The following EDA variants were observed in gnomAD, a reference collection of about 807,000 sequenced individuals.
The protein encoded by EDA is ectodysplasin-A.
In EDA, 2 loss-of-function variants were observed where a neutral mutation model predicts 23.6. The ratio of observed to expected loss-of-function variants is 0.08; its 90% CI spans 0.03 to 0.27. The LOEUF (loss-of-function observed/expected upper bound fraction) is 0.27. Among genes scored for constraint, EDA ranks in the 10% least tolerant of loss-of-function variants. The pLI is 1.00. For missense variants in EDA, 229 were observed against 324.2 expected (o/e 0.71, Z 2.26); for synonymous variants, 131 against 132.0 (o/e 0.99, Z 0.05).
chrX:69,922,310 G>A (rs187841470), intron 1 of EDA, among the ~76,000 whole-genome samples: 30 of 111,802 alleles, frequency 2.7e-4, no homozygotes, highest in African/African-American at 9.1e-4. Context: ...AAATCAGTTG[G>A]GTAAATACAA....
chrX:69,760,197 C>CAAAAAA (rs1162014486), intron 1 of EDA, among the ~76,000 whole-genome samples: 22 of 46,429 alleles, frequency 4.7e-4, no homozygotes, highest in South Asian at 2.5e-3. Flanking sequence ...CTCTTTTGTA[C>CAAAAAA]AAAAAAAAAA....
intron 2 of EDA, among the ~76,000 whole-genome samples, chrX:70,001,742 C>T (rs1321566262): frequency 8.9e-6 from 1 of 112,340 alleles, no homozygotes; most frequent in African/African-American, 3.2e-5. Flanking sequence ...TTTGCATTTC[C>T]TTAGCACTTC....
intron 6 of EDA, among the ~76,000 whole-genome samples, chrX:70,031,631 G>A (rs2020201621): frequency 8.9e-6 from 1 of 111,912 alleles, no homozygotes; most frequent in African/African-American, 3.3e-5. Context: ...AACTGGCTGT[G>A]CTGAGTTTCC....
intron 2 of EDA, among the ~76,000 whole-genome samples, chrX:70,019,878 G>C (rs1338418548): frequency 1.8e-5 from 2 of 111,533 alleles, no homozygotes; most frequent in Non-Finnish European, 3.8e-5. Flanking sequence ...ACCTGCACAT[G>C]TACCCCAGAA....
At chrX:69,727,575 C>G (rs1357584213) in intron 1 of EDA, among the ~76,000 whole-genome samples, 1 of 112,202 alleles carries the variant, frequency 8.9e-6, no homozygotes, top group African/African-American at 3.2e-5. Flanking sequence ...GACCTAATCA[C>G]CTTCCAAAGG....
intron 1 of EDA, among the ~76,000 whole-genome samples, chrX:69,951,590 T>C (rs1272793342): frequency 8.9e-6 from 1 of 111,857 alleles, no homozygotes; most frequent in Non-Finnish European, 1.9e-5. Flanking sequence ...ATGAATTATC[T>C]AGTAAAATCA....
chrX:69,667,353 T>C (rs1349935797), intron 1 of EDA, among the ~76,000 whole-genome samples: 8 of 110,173 alleles, frequency 7.3e-5, no homozygotes, highest in Non-Finnish European at 1.3e-4. Context: ...GATCTCGTGA[T>C]CCTCCCACCT....
At chrX:69,860,530 T>G (rs2017359857) in intron 1 of EDA, among the ~76,000 whole-genome samples, 1 of 111,761 alleles carries the variant, frequency 8.9e-6, no homozygotes, top group Admixed American at 9.5e-5. Flanking sequence ...GAATTTATTT[T>G]CTTTAAGAGT....
At chrX:70,026,076 C>T (rs925902051) in intron 3 of EDA, among the ~76,000 whole-genome samples, 1 of 112,146 alleles carries the variant, frequency 8.9e-6, no homozygotes, top group African/African-American at 3.2e-5. Flanking sequence ...AGCAAGAAGT[C>T]AGAGTCAGTA....
chrX:69,784,226 T>A (rs1488110206), intron 1 of EDA, among the ~76,000 whole-genome samples: 1 of 100,594 alleles, frequency 9.9e-6, no homozygotes, highest in Non-Finnish European at 2.0e-5. Flanking sequence ...GAAAATTTTC[T>A]CCCATTCTGT....
intron 1 of EDA, among the ~76,000 whole-genome samples, chrX:69,782,203 AG>A (rs1056126594): frequency 1.8e-5 from 2 of 109,270 alleles, no homozygotes; most frequent in African/African-American, 6.7e-5. Flanking sequence ...ATTTTTGATA[AG>A]TAAAAAGGAC....
chrX:69,996,764 T>C (rs1258900628), intron 2 of EDA, among the ~76,000 whole-genome samples: 2 of 111,872 alleles, frequency 1.8e-5, no homozygotes, highest in Non-Finnish European at 3.8e-5. Context: ...AATTCCCACA[T>C]GTGAGTGGGA....
At chrX:69,988,888 A>T (rs1287353229) in intron 2 of EDA, among the ~76,000 whole-genome samples, 1 of 111,606 alleles carries the variant, frequency 9.0e-6, no homozygotes, top group Non-Finnish European at 1.9e-5. Context: ...TTTAAAATAA[A>T]ATAAAATAAA....
intron 1 of EDA, among the ~76,000 whole-genome samples, chrX:69,668,640 G>C (rs181374456): frequency 9.0e-6 from 1 of 111,213 alleles, no homozygotes; most frequent in African/African-American, 3.3e-5. Flanking sequence ...GCAATGGCGT[G>C]ATCTTGGCTC....
intron 6 of EDA, among the ~76,000 whole-genome samples, chrX:70,032,916 C>A (rs949981950): frequency 8.9e-6 from 1 of 112,026 alleles, no homozygotes; most frequent in Non-Finnish European, 1.9e-5. Flanking sequence ...GTGGAAGAAC[C>A]GTAAAAAAGA....
rs191346741 is a variant in EDA, at chrX:69,955,138, A to G, written c.397-1889A>G. Among the ~76,000 whole-genome samples, 468 of 112,126 alleles carry G rather than the reference A, an allele frequency of 4.2e-3. 9 individuals carry two copies. Among genetic ancestry groups the G allele is most frequent in the Admixed American group, 0.04 (419 of 10,554 alleles). Reference sequence around the variant, plus strand: ...GTAAACAGCAGTTTAGTTTTATACTATTATTAGTACTTAGCTTATTTATAT... The same window carrying G: ...GTAAACAGCAGTTTAGTTTTATACTGTTATTAGTACTTAGCTTATTTATAT... On this transcript the variant is annotated intron_variant, in intron 1 of 7. Transcript: ENST00000374552.
intron 2 of EDA, among the ~76,000 whole-genome samples, chrX:70,001,423 C>G (rs2019739241): frequency 8.9e-6 from 1 of 111,967 alleles, no homozygotes; most frequent in Admixed American, 9.5e-5. Context: ...CATGGTAGCA[C>G]TCCTCCTCAG....
At chrX:69,901,963 A>G (rs1569368440) in intron 1 of EDA, among the ~76,000 whole-genome samples, 1 of 112,108 alleles carries the variant, frequency 8.9e-6, no homozygotes, top group Non-Finnish European at 1.9e-5. Context: ...TCTGCTTCCA[A>G]CAATAACTAG....
intron 1 of EDA, among the ~76,000 whole-genome samples, chrX:69,680,917 C>T (rs1357475172): frequency 2.8e-5 from 3 of 105,762 alleles, no homozygotes; most frequent in Non-Finnish European, 5.8e-5. Flanking sequence ...TTCCTAGTCT[C>T]GATGGTCTTT....
Sources: allele counts gnomAD v4.1 joint callset (sites outside exome capture counted in the v4.1 genomes callset), GRCh38; gene constraint gnomAD v4.1.1; transcripts MANE v1.5; gene names NCBI Gene and HGNC (gene_info 2026-07-23, HGNC 2026-07-21).